ELL: variants seen among roughly 807,000 people sequenced by gnomAD.
ELL encodes RNA polymerase II elongation factor ELL.
Under a neutral mutation model 64.0 loss-of-function variants are expected in ELL, and 18 were observed. The ratio of observed to expected loss-of-function variants is 0.28; its 90% CI spans 0.19 to 0.42. ELL has a LOEUF of 0.42. ELL is among the 10% of genes least tolerant of loss of function. The pLI, the probability that ELL is intolerant of heterozygous loss-of-function variation, is 1.00. For missense variants in ELL, 797 were observed against 870.4 expected (o/e 0.92, Z 1.06); for synonymous variants, 399 against 376.2 (o/e 1.06, Z -0.70).
chr19:18,515,145 GC>G (rs1976102733), intron 1 of ELL, among the ~76,000 whole-genome samples: 1 of 152,244 alleles, frequency 6.6e-6, no homozygotes, highest in Non-Finnish European at 1.5e-5. Context: ...GGGTCACGAT[GC>G]CGAGTGCAGA....
intron 4 of ELL, among the ~76,000 whole-genome samples, chr19:18,463,590 C>G (rs1974875495): frequency 6.6e-6 from 1 of 152,090 alleles, no homozygotes; most frequent in African/African-American, 2.4e-5. Context: ...GCCTTGGACT[C>G]TCAAAGTGCT....
intron 1 of ELL, among the ~76,000 whole-genome samples, chr19:18,473,897 C>T (rs925784698): frequency 3.9e-5 from 6 of 152,108 alleles, no homozygotes; most frequent in Admixed American, 1.3e-4. Flanking sequence ...CATAGTACCC[C>T]GTCCTGGGCT....
intron 1 of ELL, among the ~76,000 whole-genome samples, chr19:18,510,431 C>T (rs946774993): frequency 6.6e-6 from 1 of 152,212 alleles, no homozygotes; most frequent in Admixed American, 6.5e-5. Flanking sequence ...ACTGGCTATG[C>T]AGAAGCAGGG....
At chr19:18,480,839 G>T (rs1419617884) in intron 1 of ELL, among the ~76,000 whole-genome samples, 1 of 151,986 alleles carries the variant, frequency 6.6e-6, no homozygotes, top group African/African-American at 2.4e-5. Context: ...TTGCCATGTT[G>T]CCCAGGCTGG....
At chr19:18,465,288 T>A (rs1974909771) in intron 4 of ELL, 124 bp downstream of exon 4, 1 of 1,354,846 alleles carries the variant, frequency 7.4e-7, no homozygotes, top group Non-Finnish European at 9.8e-7. Flanking sequence ...AGGGACCGAC[T>A]CCTCGGTTGA....
intron 1 of ELL, among the ~76,000 whole-genome samples, chr19:18,494,178 G>A (rs930354814): frequency 1.3e-5 from 2 of 151,346 alleles, no homozygotes; most frequent in African/African-American, 2.4e-5. Context: ...AGTGAGCTGT[G>A]ATCAAGCTAC....
intron 6 of ELL, among the ~76,000 whole-genome samples, chr19:18,457,246 C>T (rs1250523958): frequency 6.6e-6 from 1 of 152,254 alleles, no homozygotes; most frequent in Non-Finnish European, 1.5e-5. Flanking sequence ...GCAGCCCAGC[C>T]TTCTCCACCT....
intron 1 of ELL, among the ~76,000 whole-genome samples, chr19:18,514,856 GA>G (rs1976097416): frequency 6.6e-6 from 1 of 152,240 alleles, no homozygotes; most frequent in Non-Finnish European, 1.5e-5. Flanking sequence ...TGCCCCCTGA[GA>G]AGCAGACCTC....
At chr19:18,506,198 G>C (rs941760860) in intron 1 of ELL, among the ~76,000 whole-genome samples, 3 of 152,200 alleles carry the variant, frequency 2.0e-5, no homozygotes, top group African/African-American at 7.2e-5. Flanking sequence ...CTTGGAACCA[G>C]CCCCCCACAG....
rs1196988213 is a variant in ELL at position 18,451,627 on chromosome 19, G to A, written c.891C>T (p.Ser297=). The change falls in exon 7 of 12, where the codon AGC becomes AGT. Residue 297 remains serine (S), a synonymous_variant. Transcript: ENST00000262809. ...VLVRKLCQPQ[S]TGSLLGDPAA... ...CAGGGTCTCCAAGGAGGCTGCCAGT[G>A]CTCTGTGGCTGGCACAGCTTCCTGC... 12 of 1,506,316 alleles carry A rather than the reference G, an allele frequency of 8.0e-6. No homozygotes were observed. Among genetic ancestry groups the A allele is most frequent in the African/African-American group, 1.4e-5 (1 of 69,586 alleles). 93.3% of individuals were successfully genotyped at this position (1,506,316 alleles called of 1,614,324 possible).
chr19:18,460,979 G>C (rs940041411), intron 5 of ELL, among the ~76,000 whole-genome samples: 1 of 152,144 alleles, frequency 6.6e-6, no homozygotes, highest in Non-Finnish European at 1.5e-5. Context: ...GGTGAGGGGG[G>C]TGGAAGGCAG....
chr19:18,520,642 TG>T (rs1027257508), intron 1 of ELL, among the ~76,000 whole-genome samples: 1 of 151,884 alleles, frequency 6.6e-6, no homozygotes, highest in African/African-American at 2.4e-5. Context: ...CTAATGGAGC[TG>T]AACAAGTTCG....
chr19:18,456,114 G>C (rs974405005), intron 6 of ELL, among the ~76,000 whole-genome samples: 12 of 151,808 alleles, frequency 7.9e-5, no homozygotes, highest in African/African-American at 2.7e-4. Flanking sequence ...AAAAAAAAGA[G>C]ATGAAAACCA....
chr19:18,472,756 G>A, intron 2 of ELL, 79 bp downstream of exon 2: 3 of 1,508,592 alleles, frequency 2.0e-6, no homozygotes, highest in South Asian at 2.4e-5. Flanking sequence ...AGCTGCTGCT[G>A]TACCCAGCGA....
At chr19:18,450,197 T>C (rs1974491536) in intron 8 of ELL, among the ~76,000 whole-genome samples, 3 of 152,230 alleles carry the variant, frequency 2.0e-5, no homozygotes, top group African/African-American at 7.2e-5. Flanking sequence ...TTCTGCGGCC[T>C]CAGTTCCCCA....
intron 1 of ELL, among the ~76,000 whole-genome samples, chr19:18,498,969 C>A (rs369827361): frequency 6.9e-5 from 10 of 144,280 alleles, no homozygotes; most frequent in Non-Finnish European, 4.5e-5. Context: ...ACAACAACAA[C>A]AAAAACCCAC....
At chr19:18,472,923 T>C (rs755303188) in intron 1 of ELL, 41 bp from the exon 2 acceptor site, 3 of 1,446,118 alleles carry the variant, frequency 2.1e-6, no homozygotes, top group Admixed American at 2.4e-5. Context: ...GAGGGGAACA[T>C]CAATAAAGAC....
intron 1 of ELL, among the ~76,000 whole-genome samples, chr19:18,491,229 C>T (rs1187913386): frequency 2.1e-5 from 3 of 140,656 alleles, no homozygotes; most frequent in Admixed American, 7.8e-5. Context: ...ACTACAGGTG[C>T]TCACCACCAC....
At chr19:18,488,144 T>C (rs1049011931) in intron 1 of ELL, among the ~76,000 whole-genome samples, 1 of 152,014 alleles carries the variant, frequency 6.6e-6, no homozygotes, top group Non-Finnish European at 1.5e-5. Context: ...GAGAGGTAGG[T>C]CCCAGCCCGC....
Sources: allele counts gnomAD v4.1 joint callset (sites outside exome capture counted in the v4.1 genomes callset), GRCh38; gene constraint gnomAD v4.1.1; transcripts MANE v1.5; gene names NCBI Gene and HGNC (gene_info 2026-07-23, HGNC 2026-07-21).